ARHGEF12: variants seen among roughly 807,000 people sequenced by gnomAD.
ARHGEF12 encodes KMT2A/ARHGEF12 fusion protein.
In ARHGEF12, 66 loss-of-function variants were observed where a neutral mutation model predicts 211.2. The observed-to-expected ratio is 0.31, with a 90% confidence interval of 0.26 to 0.38. The LOEUF (loss-of-function observed/expected upper bound fraction) is 0.38, where lower values mean the gene tolerates loss of function less well. Among genes scored for constraint, ARHGEF12 ranks in the 10% least tolerant of loss-of-function variants. ARHGEF12 has a pLI of 1.00. For missense variants in ARHGEF12, 1,429 were observed against 1,869.5 expected, an observed-to-expected ratio of 0.76 and a Z score of 4.34; for synonymous variants, 592 against 638.4, an observed-to-expected ratio of 0.93 and a Z score of 1.09.
intron 1 of ARHGEF12, among the ~76,000 whole-genome samples, chr11:120,344,265 C>CAAAA (rs71473103): frequency 9.4e-5 from 5 of 53,024 alleles, no homozygotes; most frequent in Non-Finnish European, 1.3e-4. Context: ...GACTCCGTCT[C>CAAAA]AAAAAAAAAA....
chr11:120,412,852 C>T (rs764929273), intron 4 of ARHGEF12, among the ~76,000 whole-genome samples: 7 of 152,124 alleles, frequency 4.6e-5, no homozygotes, highest in Non-Finnish European at 1.0e-4. Context: ...CTCCATTTTC[C>T]GTCGTCCCCT....
At chr11:120,382,522 T>C (rs12286613) in intron 1 of ARHGEF12, among the ~76,000 whole-genome samples, 1,980 of 152,370 alleles carry the variant, frequency 0.013, 50 homozygotes, top group African/African-American at 0.046. Flanking sequence ...AACATACATA[T>C]ACATTTCTGC....
chr11:120,401,469 A>G (rs2135548511), intron 1 of ARHGEF12, among the ~76,000 whole-genome samples: 1 of 152,364 alleles, frequency 6.6e-6, no homozygotes, highest in East Asian at 1.9e-4. Context: ...AAGGCAGTTT[A>G]GATTCATATC....
At chr11:120,420,872 A>G (rs752007785) in intron 5 of ARHGEF12, 21 bp downstream of exon 5, 2 of 1,587,748 alleles carry the variant, frequency 1.3e-6, no homozygotes, top group Non-Finnish European at 8.6e-7. Flanking sequence ...TTAAAAAACA[A>G]TTTATCACTC....
chr11:120,448,560 A>T, intron 20 of ARHGEF12: 2 of 549,338 alleles, frequency 3.6e-6, no homozygotes, highest in Non-Finnish European at 6.4e-6. Flanking sequence ...GAAAAGTGAA[A>T]TTAGCAGTTT....
At chr11:120,471,945 T>G (rs117443199) in intron 30 of ARHGEF12, among the ~76,000 whole-genome samples, 1,973 of 152,322 alleles carry the variant, frequency 0.013, 22 homozygotes, top group Non-Finnish European at 0.02. Context: ...AAGTCCACTT[T>G]ATTACAGTAT....
chr11:120,446,913 T>C (rs754644580), intron 17 of ARHGEF12, 35 bp from the exon 18 acceptor site: 2 of 1,598,010 alleles, frequency 1.3e-6, no homozygotes. Flanking sequence ...AGTTTTTCTT[T>C]AGGCTACCTC....
chr11:120,388,017 A>G lies in ARHGEF12; in HGVS notation c.33-18101A>G, dbSNP rs141675799. On this transcript the variant is annotated intron_variant, in intron 1 of 40. Coordinates refer to ENST00000397843, the MANE Select transcript of ARHGEF12 (RefSeq NM_015313.3). ...GATGTATATACACGATTAGGAAACT[A>G]TCACCACAATTGAGAAAATAAACAT... Among the ~76,000 whole-genome samples the G allele has an allele frequency of 2.0e-5, 3 of 152,296 alleles. No homozygotes were observed. In the East Asian group the frequency reaches 5.8e-4, roughly 29 times the overall value.
chr11:120,467,052 G>T, intron 28 of ARHGEF12, 142 bp from the exon 29 acceptor site: 2 of 574,448 alleles, frequency 3.5e-6, no homozygotes, highest in South Asian at 2.4e-5. Flanking sequence ...AGTATATTGT[G>T]GCAATGATAT....
chr11:120,368,158 G>C (rs1943481935), intron 1 of ARHGEF12, among the ~76,000 whole-genome samples: 1 of 151,970 alleles, frequency 6.6e-6, no homozygotes, highest in Non-Finnish European at 1.5e-5. Context: ...GCTCACTGCA[G>C]CCTGGACCTC....
intron 4 of ARHGEF12, among the ~76,000 whole-genome samples, chr11:120,418,712 C>G (rs960335151): frequency 1.3e-5 from 2 of 152,164 alleles, no homozygotes; most frequent in African/African-American, 4.8e-5. Context: ...TTATGATTAG[C>G]CAGACTAGTT....
Position 120,451,589 on chromosome 11 carries a change from C to G in ARHGEF12, c.1921C>G (p.Gln641Glu). Residue 641 changes from glutamine to glutamate, a missense_variant, in exon 22 of 41, where the codon CAG becomes GAG. Physicochemically the swap from Gln to Glu is conservative, Grantham distance 29. This residue lies in a region of ARHGEF12 where 373 missense variants were observed against 467.5 expected (regional missense o/e 0.80). Transcript: ENST00000397843. ...ACCCTCATCTGTGAGTCCTGAACCT[C>G]AGGACTCTGCCAAGTTGCGCCAGAG... ...STPSSVSPEPQDSAKLRQSGL... is the reference protein window; with the variant it reads ...STPSSVSPEPEDSAKLRQSGL... 6.2e-7 allele frequency: 1 copy of G among 1,614,182 alleles called. No homozygotes were observed. Among genetic ancestry groups the G allele is most frequent in the Non-Finnish European group, 8.5e-7 (1 of 1,180,032 alleles).
intron 1 of ARHGEF12, among the ~76,000 whole-genome samples, chr11:120,377,203 A>G (rs1943750415): frequency 6.6e-6 from 1 of 152,214 alleles, no homozygotes; most frequent in African/African-American, 2.4e-5. Context: ...TTTAACCACC[A>G]CAACCAGCAT....
At chr11:120,415,381 G>A (rs1032161910) in intron 4 of ARHGEF12, among the ~76,000 whole-genome samples, 6 of 151,990 alleles carry the variant, frequency 3.9e-5, no homozygotes, top group Non-Finnish European at 2.9e-5. Flanking sequence ...AGTAGTCTTG[G>A]GTTCTTCACA....
At position 120,476,768 on chromosome 11, in the gene ARHGEF12, A is replaced by G. The variant is rs764788582; in HGVS notation, c.3365+20A>G. On this transcript the variant is annotated intron_variant, in intron 34 of 40. Transcript: ENST00000397843. Reference sequence around the variant, plus strand: ...GACTGTGTATGTATCAGATATGGCTACCTTGCTATAGCTAATATTTTCATT... The same window carrying G: ...GACTGTGTATGTATCAGATATGGCTGCCTTGCTATAGCTAATATTTTCATT... 1.0e-5 allele frequency: 16 copies of G among 1,544,774 alleles called. No individual in the cohort carries two copies. Among genetic ancestry groups the G allele is most frequent in the South Asian group, 2.3e-5 (2 of 86,548 alleles).
rs897842218 is a variant in ARHGEF12, at chr11:120,417,065, C to T, written c.200-3688C>T. ...TTAATCATAATAAAATAATATTTAA[C>T]GTGTAGGAACCCTTAATATTTGTTA... On this transcript the variant is annotated intron_variant, in intron 4 of 40. Transcript: ENST00000397843. Among the ~76,000 whole-genome samples the T allele has an allele frequency of 5.3e-5, 8 of 152,124 alleles. No homozygotes were observed. In the South Asian group the frequency reaches 6.2e-4, roughly 12 times the overall value.
chr11:120,402,615 T>C (rs1213248035), intron 1 of ARHGEF12, among the ~76,000 whole-genome samples: 2 of 152,192 alleles, frequency 1.3e-5, no homozygotes, highest in African/African-American at 4.8e-5. Flanking sequence ...AAGAACCAAC[T>C]ACAGTCTCAA....
intron 1 of ARHGEF12, among the ~76,000 whole-genome samples, chr11:120,350,571 A>C (rs1293628568): frequency 6.6e-6 from 1 of 151,916 alleles, no homozygotes; most frequent in African/African-American, 2.4e-5. Context: ...AGAATGAAAT[A>C]ATAATGATTA....
intron 5 of ARHGEF12, among the ~76,000 whole-genome samples, chr11:120,421,455 T>TTTTTTTTTTTTTTG (rs1555109035): frequency 1.0e-5 from 1 of 99,962 alleles, no homozygotes; most frequent in South Asian, 3.6e-4. Context: ...TTTTTTTTTT[T>TTTTTTTTTTTTTTG]GGAGATGGAG....
Sources: allele counts gnomAD v4.1 joint callset (sites outside exome capture counted in the v4.1 genomes callset), GRCh38; gene constraint gnomAD v4.1.1; regional missense constraint gnomAD v4.1.1; transcripts MANE v1.5; gene names NCBI Gene and HGNC (gene_info 2026-07-23, HGNC 2026-07-21).